Variants in IRAG2 observed in about 807,000 individuals in gnomAD.
IRAG2 encodes lymphoid restricted membrane protein.
IRAG2 carries 45 observed loss-of-function variants against 69.9 expected under a neutral mutation model. The observed-to-expected ratio is 0.64, with a 90% confidence interval of 0.51 to 0.83. The LOEUF (loss-of-function observed/expected upper bound fraction) is 0.83. Ranked by LOEUF, IRAG2 falls within the 40% of genes least tolerant of loss-of-function variation. The probability of loss-of-function intolerance (pLI) is 0.00; values close to 1 mark genes in which losing one functional copy is unlikely to be tolerated. For synonymous variants in IRAG2, 193 were observed against 202.4 expected, an observed-to-expected ratio of 0.95 and a Z score of 0.40; for missense variants, 520 against 587.0, an observed-to-expected ratio of 0.89 and a Z score of 1.18.
intron 9 of IRAG2, chr12:25,026,913 CA>C: frequency 1.0e-6 from 1 of 982,482 alleles, no homozygotes; most frequent in Non-Finnish European, 1.3e-6. Context: ...TCTGTCAAAC[CA>C]GTATTATTTT....
At chr12:24,997,665 T>C in the IRAG2 span, 1 of 154,058 alleles carries the variant, frequency 6.5e-6, no homozygotes, top group South Asian at 2.0e-4. Context: ...GATGCTGGCC[T>C]TTAGTCATCG....
chr12:25,038,603 T>G (rs914938079), intron 16 of IRAG2, among the ~76,000 whole-genome samples: 1 of 147,204 alleles, frequency 6.8e-6, no homozygotes, highest in African/African-American at 2.5e-5. Context: ...ATTGCACTAC[T>G]GCACTCCAGC....
chr12:25,069,474 A>G, intron 6 of IRAG2, 43 bp downstream of exon 6: 3 of 1,563,012 alleles, frequency 1.9e-6, no homozygotes, highest in Non-Finnish European at 2.6e-6. Flanking sequence ...CAGTATTACC[A>G]TATCCTGTTC....
chr12:25,030,395 T>G, intron 10 of IRAG2: 1 of 1,134,726 alleles, frequency 8.8e-7, no homozygotes, highest in Non-Finnish European at 1.1e-6. Flanking sequence ...CAAATCTGAT[T>G]CTTTTTTTTT....
At chr12:25,071,907 A>C (rs183343264) in intron 6 of IRAG2, among the ~76,000 whole-genome samples, 11 of 152,026 alleles carry the variant, frequency 7.2e-5, no homozygotes, top group Admixed American at 2.0e-4. Context: ...CACACCCATT[A>C]AGAAATAGGA....
intron 7 of IRAG2, among the ~76,000 whole-genome samples, chr12:25,022,851 C>A (rs934280064): frequency 7.9e-5 from 12 of 152,262 alleles, no homozygotes; most frequent in East Asian, 3.9e-4. Context: ...GGCCACCGGG[C>A]GTGGTGGCTC....
At chr12:25,014,472 G>A (rs1798416448) in intron 3 of IRAG2, among the ~76,000 whole-genome samples, 1 of 152,032 alleles carries the variant, frequency 6.6e-6, no homozygotes, top group Non-Finnish European at 1.5e-5. Flanking sequence ...GAATTTTGTG[G>A]CTATTCCAGA....
intron 7 of IRAG2, chr12:25,021,187 C>G (rs2139835384): frequency 4.9e-6 from 1 of 204,510 alleles, no homozygotes; most frequent in South Asian, 1.9e-4. Context: ...TCACTCCAGC[C>G]TCGACCTCCC....
At chr12:25,095,300 G>GT (rs1271904939) in intron 14 of IRAG2, among the ~76,000 whole-genome samples, 2 of 151,844 alleles carry the variant, frequency 1.3e-5, no homozygotes, top group Non-Finnish European at 2.9e-5. Flanking sequence ...ATAATGTGTG[G>GT]TTTTTTGCAT....
intron 6 of IRAG2, among the ~76,000 whole-genome samples, chr12:25,073,826 T>C (rs879507102): frequency 3.3e-5 from 5 of 152,244 alleles, no homozygotes; most frequent in Non-Finnish European, 7.3e-5. Context: ...AAAAATGTTA[T>C]GATGTCTGCC....
intron 1 of IRAG2, among the ~76,000 whole-genome samples, chr12:25,054,859 A>C (rs2139909047): frequency 6.6e-6 from 1 of 152,288 alleles, no homozygotes; most frequent in East Asian, 1.9e-4. Flanking sequence ...GTATTTTCAA[A>C]ATGTTCTATA....
chr12:25,095,003 C>T (rs1948328972), intron 14 of IRAG2, among the ~76,000 whole-genome samples: 2 of 152,048 alleles, frequency 1.3e-5, no homozygotes. Flanking sequence ...TGTATGAGAT[C>T]ATATCATCTA....
chr12:25,021,955 A>G (rs11047763), intron 7 of IRAG2, among the ~76,000 whole-genome samples: 11,504 of 152,256 alleles, frequency 0.076, 576 homozygotes, highest in African/African-American at 0.15. Flanking sequence ...TGGGACCACT[A>G]AGGAGCTTCT....
intron 4 of IRAG2, among the ~76,000 whole-genome samples, chr12:25,065,136 A>G (rs1945893234): frequency 6.7e-6 from 1 of 148,944 alleles, no homozygotes; most frequent in Admixed American, 7.9e-5. Context: ...TGTGCCAGAC[A>G]CAGTTCTATG....
rs141370147 is a variant in IRAG2, at chr12:25,067,432, G to A, written c.-59+920G>A. Among the ~76,000 whole-genome samples the A allele has an allele frequency of 4.8e-3, 731 of 152,228 alleles. 3 individuals are homozygous for A. Among genetic ancestry groups the A allele is most frequent in the Non-Finnish European group, 8.0e-3 (543 of 68,014 alleles). On this transcript the variant is annotated intron_variant, in intron 5 of 21. Transcript: ENST00000556887. The stretch of plus-strand genomic sequence containing the variant: ...TTCCAACGTTATCTACCTGGAAATA[G>A]CATCCGATTCCACAGGTTAAGGGCT...
At position 25,034,184 on chromosome 12, in the gene IRAG2, T is replaced by G. The variant is rs11047776; in HGVS notation, c.1743+237T>G. ...TTGTGGAAGTGTGCATTCAGGGACT[T>G]TGGGACTTTAGAAATCTTTGTTTTC... On this transcript the variant is annotated intron_variant, in intron 13 of 38. Coordinates refer to the IRAG2 transcript ENST00000636465. 5.0e-3 allele frequency among the ~76,000 whole-genome samples: 754 copies of G among 152,296 alleles called. 4 individuals are homozygous for G. The highest frequency in any genetic ancestry group is 8.5e-3 in the Non-Finnish European group (576 of 68,016).
chr12:24,999,347 T>G (rs1391330999), upstream of IRAG2, among the ~76,000 whole-genome samples: 2 of 152,218 alleles, frequency 1.3e-5, no homozygotes, highest in African/African-American at 4.8e-5. Flanking sequence ...TTAGAGGATT[T>G]TACTTGTTGC....
chr12:25,050,552 CA>C (rs1230165053), upstream of IRAG2, among the ~76,000 whole-genome samples: 58 of 99,464 alleles, frequency 5.8e-4, 1 homozygote, highest in Non-Finnish European at 2.4e-4. Context: ...AACAAACAAA[CA>C]AAAAAAAACA....
chr12:25,054,273 G>T (rs1443970152), intron 1 of IRAG2, among the ~76,000 whole-genome samples: 1 of 152,132 alleles, frequency 6.6e-6, no homozygotes, highest in African/African-American at 2.4e-5. Flanking sequence ...AGGTTCCCTT[G>T]TGATTAGAAC....
Sources: allele counts gnomAD v4.1 joint callset (sites outside exome capture counted in the v4.1 genomes callset), GRCh38; gene constraint gnomAD v4.1.1; transcripts MANE v1.5; gene names NCBI Gene and HGNC (gene_info 2026-07-23, HGNC 2026-07-21).